Variants in ST6GALNAC3 observed in about 807,000 individuals in gnomAD.
ST6GALNAC3 encodes the protein ST6 N-acetylgalactosaminide alpha-2,6-sialyltransferase 3.
Under a neutral mutation model 32.7 loss-of-function variants are expected in ST6GALNAC3, and 25 were observed. That is an observed-to-expected ratio of 0.76 (90% CI 0.56 to 1.07). The LOEUF (loss-of-function observed/expected upper bound fraction) is 1.07, where lower values mean the gene tolerates loss of function less well. Ranked by LOEUF, ST6GALNAC3 falls within the 50% of genes least tolerant of loss-of-function variation. The pLI, the probability that ST6GALNAC3 is intolerant of heterozygous loss-of-function variation, is 0.00. For missense variants in ST6GALNAC3, 355 were observed against 382.4 expected, an observed-to-expected ratio of 0.93 and a Z score of 0.60; for synonymous variants, 129 against 133.1, an observed-to-expected ratio of 0.97 and a Z score of 0.21.
intron 1 of ST6GALNAC3, among the ~76,000 whole-genome samples, chr1:76,285,413 C>T (rs971661857): frequency 2.1e-4 from 11 of 53,204 alleles, no homozygotes; most frequent in Non-Finnish European, 3.1e-4. Context: ...TGTGTGTGTA[C>T]ATGTGTGTGT....
chr1:76,354,606 GT>G (rs1458276390), intron 2 of ST6GALNAC3, among the ~76,000 whole-genome samples: 6 of 152,214 alleles, frequency 3.9e-5, no homozygotes, highest in African/African-American at 1.4e-4. Flanking sequence ...TTAAAGTGAA[GT>G]AATCCATCAG....
intron 1 of ST6GALNAC3, among the ~76,000 whole-genome samples, chr1:76,307,492 G>T (rs1661132497): frequency 6.6e-6 from 1 of 152,100 alleles, no homozygotes; most frequent in Admixed American, 6.6e-5. Flanking sequence ...TCACAAAGAA[G>T]CAATGGGTAG....
At chr1:76,129,170 A>G (rs1052067397) in intron 1 of ST6GALNAC3, among the ~76,000 whole-genome samples, 4 of 152,082 alleles carry the variant, frequency 2.6e-5, no homozygotes, top group Non-Finnish European at 5.9e-5. Flanking sequence ...GGATTTTGGT[A>G]TTGTGGTGTT....
chr1:76,243,614 T>G (rs1237722186), intron 1 of ST6GALNAC3, among the ~76,000 whole-genome samples: 1 of 152,240 alleles, frequency 6.6e-6, no homozygotes, highest in Non-Finnish European at 1.5e-5. Flanking sequence ...TAATTCATCT[T>G]GAGTTAATTT....
chr1:76,341,126 G>T (rs1647930662), intron 2 of ST6GALNAC3, among the ~76,000 whole-genome samples: 1 of 151,436 alleles, frequency 6.6e-6, no homozygotes, highest in Admixed American at 6.6e-5. Context: ...GGAGATTTGG[G>T]CTTCTGATGA....
At chr1:76,299,147 A>G (rs1243883632) in intron 1 of ST6GALNAC3, among the ~76,000 whole-genome samples, 3 of 152,074 alleles carry the variant, frequency 2.0e-5, no homozygotes, top group Non-Finnish European at 4.4e-5. Context: ...TTTTAAGTGA[A>G]TGTAAATTAT....
intron 2 of ST6GALNAC3, among the ~76,000 whole-genome samples, chr1:76,369,770 G>C (rs1038099503): frequency 6.6e-6 from 1 of 152,134 alleles, no homozygotes; most frequent in Admixed American, 6.5e-5. Flanking sequence ...TACAGACTGA[G>C]ACTTGAGGGG....
At chr1:76,332,803 T>G (rs1409002374) in intron 2 of ST6GALNAC3, among the ~76,000 whole-genome samples, 1 of 152,152 alleles carries the variant, frequency 6.6e-6, no homozygotes, top group Non-Finnish European at 1.5e-5. Flanking sequence ...TACAGTATAC[T>G]TTATATTTAA....
chr1:76,382,826 A>C (rs1487464777), intron 2 of ST6GALNAC3, among the ~76,000 whole-genome samples: 2 of 152,210 alleles, frequency 1.3e-5, no homozygotes, highest in South Asian at 4.1e-4. Flanking sequence ...AAGAGAAAGA[A>C]TAAGGCAGAA....
intron 3 of ST6GALNAC3, among the ~76,000 whole-genome samples, chr1:76,477,841 A>G (rs1659454487): frequency 6.6e-6 from 1 of 152,180 alleles, no homozygotes; most frequent in South Asian, 2.1e-4. Context: ...AAGACACAGA[A>G]GTCTTTGCTC....
intron 3 of ST6GALNAC3, chr1:76,576,930 A>G: frequency 1.6e-6 from 2 of 1,281,950 alleles, no homozygotes; most frequent in Non-Finnish European, 2.0e-6. Context: ...AGGAAGGAAT[A>G]AAAGAAAGAA....
chr1:76,115,753 T>C (rs892427676), intron 1 of ST6GALNAC3, among the ~76,000 whole-genome samples: 2 of 152,212 alleles, frequency 1.3e-5, no homozygotes, highest in South Asian at 2.1e-4. Context: ...CACCTGCCAA[T>C]TGGTTCCTGT....
chr1:76,150,667 T>TC (rs1289605743), intron 1 of ST6GALNAC3, among the ~76,000 whole-genome samples: 1 of 151,218 alleles, frequency 6.6e-6, no homozygotes, highest in East Asian at 1.9e-4. Flanking sequence ...TGAAACGTTG[T>TC]CAGATGTGTG....
intron 2 of ST6GALNAC3, among the ~76,000 whole-genome samples, chr1:76,336,289 A>G (rs1647466081): frequency 1.3e-5 from 2 of 152,190 alleles, no homozygotes; most frequent in Admixed American, 6.5e-5. Flanking sequence ...GGCCCAAAAC[A>G]TGTGTCTTAG....
chr1:76,311,446 A>C lies in ST6GALNAC3; in HGVS notation c.19-2359A>C, dbSNP rs766358683. Among the ~76,000 whole-genome samples, 3 of 152,018 alleles carry C rather than the reference A, an allele frequency of 2.0e-5. No individual in the cohort carries two copies. In the East Asian group the frequency reaches 5.8e-4, roughly 29 times the overall value. ...CCCTCTCCTAGCCCCCCATTCCCTG[A>C]CAGGACCCGGTGTGTGATGTTCCCC... On this transcript the variant is annotated intron_variant, in intron 1 of 4. Coordinates refer to ENST00000328299, the MANE Select transcript of ST6GALNAC3 (RefSeq NM_152996.4).
At chr1:76,533,471 A>G (rs1369427613) in intron 3 of ST6GALNAC3, among the ~76,000 whole-genome samples, 2 of 151,798 alleles carry the variant, frequency 1.3e-5, no homozygotes, top group Non-Finnish European at 2.9e-5. Flanking sequence ...TTTTTCCTAC[A>G]TCACCCGCCT....
chr1:76,449,900 T>A (rs972952602), intron 3 of ST6GALNAC3, among the ~76,000 whole-genome samples: 1 of 152,122 alleles, frequency 6.6e-6, no homozygotes, highest in Non-Finnish European at 1.5e-5. Context: ...TATCTAAGAT[T>A]TTGGTGCACC....
intron 1 of ST6GALNAC3, among the ~76,000 whole-genome samples, chr1:76,252,833 G>A (rs888557484): frequency 6.6e-6 from 1 of 152,082 alleles, no homozygotes; most frequent in Non-Finnish European, 1.5e-5. Flanking sequence ...GAGGTTTGTC[G>A]AGTGGAGAAT....
At chr1:76,126,440 C>CTTCCTGCCTTCCTTTG (rs1553157150) in intron 1 of ST6GALNAC3, among the ~76,000 whole-genome samples, 1 of 147,350 alleles carries the variant, frequency 6.8e-6, no homozygotes, top group Non-Finnish European at 1.5e-5. Flanking sequence ...TCCTTCCTTC[C>CTTCCTGCCTTCCTTTG]TTCCTTCCTT....
Sources: allele counts gnomAD v4.1 joint callset (sites outside exome capture counted in the v4.1 genomes callset), GRCh38; gene constraint gnomAD v4.1.1; transcripts MANE v1.5; gene names NCBI Gene and HGNC (gene_info 2026-07-23, HGNC 2026-07-21).